The following NIPAL2 variants were observed in gnomAD, a reference collection of about 807,000 sequenced individuals.
The protein encoded by NIPAL2 is NIPA like domain containing 2.
A neutral mutation model predicts 48.9 loss-of-function variants in NIPAL2; 43 were observed. The observed-to-expected ratio is 0.88, with a 90% CI of 0.69 to 1.13. NIPAL2 has a LOEUF of 1.13. NIPAL2 is among the 50% of genes most tolerant of loss of function. NIPAL2 has a pLI of 0.00. For synonymous variants in NIPAL2, 167 were observed against 174.6 expected, an observed-to-expected ratio of 0.96 and a Z score of 0.34; for missense variants, 446 against 461.4, an observed-to-expected ratio of 0.97 and a Z score of 0.31.
At chr8:98,253,657 TAA>T (rs1179780811) in intron 2 of NIPAL2, among the ~76,000 whole-genome samples, 1 of 152,158 alleles carries the variant, frequency 6.6e-6, no homozygotes, top group African/African-American at 2.4e-5. Flanking sequence ...GAACTGCTTC[TAA>T]AAAGTGTCCG....
intron 4 of NIPAL2, among the ~76,000 whole-genome samples, chr8:98,223,275 C>A (rs926761680): frequency 6.6e-6 from 1 of 152,024 alleles, no homozygotes; most frequent in Non-Finnish European, 1.5e-5. Context: ...ACGTCATAAA[C>A]CTATGTAAGG....
chr8:98,260,608 C>G (rs918272999), intron 1 of NIPAL2, among the ~76,000 whole-genome samples: 1 of 152,154 alleles, frequency 6.6e-6, no homozygotes, highest in Non-Finnish European at 1.5e-5. Context: ...TTATATCCTG[C>G]ACCTGGCTCG....
At chr8:98,195,560 T>C (rs754348385) in intron 9 of NIPAL2, 1 of 163,944 alleles carries the variant, frequency 6.1e-6, no homozygotes, top group Non-Finnish European at 1.3e-5. Context: ...CTGCCCATCT[T>C]GGCCTTTTAT....
In NIPAL2 at chr8:98,190,950, C is replaced by T. The variant is rs979640642; in HGVS notation, c.*2028G>A. The T allele has an allele frequency of 6.6e-6, 1 of 152,206 alleles. No individual in the cohort carries two copies. The highest frequency in any genetic ancestry group is 2.4e-5 in the African/African-American group (1 of 41,458). 9.4% of individuals were successfully genotyped at this position (152,206 alleles called of 1,614,324 possible). ...TTACAGGCCAGTACAACTAAAACTC[C>T]TATTTACCTTACTTTGGAGCAACAA... is the stretch of plus-strand genomic sequence containing the variant. On this transcript the variant is annotated 3_prime_UTR_variant, in exon 11 of 11. Transcript: ENST00000430223.
intron 3 of NIPAL2, among the ~76,000 whole-genome samples, chr8:98,242,418 C>T (rs1001136750): frequency 6.6e-6 from 1 of 151,272 alleles, no homozygotes; most frequent in African/African-American, 2.4e-5. Flanking sequence ...AACGTCTGGG[C>T]TCAATTGATT....
chr8:98,273,614 A>G (rs1317256759), intron 1 of NIPAL2, among the ~76,000 whole-genome samples: 3 of 152,274 alleles, frequency 2.0e-5, no homozygotes, highest in South Asian at 4.2e-4. Flanking sequence ...AAGATACTAC[A>G]AATGTAGCTA....
At chr8:98,270,062 T>C (rs760961797) in intron 1 of NIPAL2, among the ~76,000 whole-genome samples, 1 of 152,140 alleles carries the variant, frequency 6.6e-6, no homozygotes, top group Non-Finnish European at 1.5e-5. Flanking sequence ...GTATGCACCA[T>C]ATTTTCTTTA....
intron 1 of NIPAL2, among the ~76,000 whole-genome samples, chr8:98,260,110 G>A (rs1039260304): frequency 2.0e-5 from 3 of 152,076 alleles, no homozygotes; most frequent in Non-Finnish European, 2.9e-5. Flanking sequence ...TTTTGCTGAG[G>A]GTTACCATGG....
intron 8 of NIPAL2, among the ~76,000 whole-genome samples, chr8:98,198,797 T>G (rs1810674601): frequency 6.6e-6 from 1 of 152,162 alleles, no homozygotes; most frequent in Non-Finnish European, 1.5e-5. Flanking sequence ...CTGGTTTAGG[T>G]GTTGGCTTAA....
chr8:98,223,573 A>C (rs993195820), intron 4 of NIPAL2, among the ~76,000 whole-genome samples: 2 of 152,194 alleles, frequency 1.3e-5, no homozygotes, highest in African/African-American at 4.8e-5. Flanking sequence ...AACCTGAAAC[A>C]ATTTGGTTTG....
At chr8:98,271,048 G>A (rs147544756) in intron 1 of NIPAL2, among the ~76,000 whole-genome samples, 1 of 151,944 alleles carries the variant, frequency 6.6e-6, no homozygotes, top group African/African-American at 2.4e-5. Context: ...ATGTTCCATT[G>A]GTCTATATGT....
At chr8:98,228,237 C>T (rs558535630) in intron 4 of NIPAL2, among the ~76,000 whole-genome samples, 82 of 152,272 alleles carry the variant, frequency 5.4e-4, no homozygotes, top group African/African-American at 1.8e-3. Context: ...GTGCTTTTTT[C>T]GTGTGTAGAT....
At chr8:98,222,680 C>A (rs1230840260) in intron 4 of NIPAL2, 80 bp from the exon 5 acceptor site, 1 of 1,409,122 alleles carries the variant, frequency 7.1e-7, no homozygotes, top group Non-Finnish European at 9.8e-7. Context: ...CTAGAGACTG[C>A]GCATTACTTG....
At chr8:98,256,768 A>G (rs1055081897) in intron 1 of NIPAL2, among the ~76,000 whole-genome samples, 1 of 152,206 alleles carries the variant, frequency 6.6e-6, no homozygotes, top group African/African-American at 2.4e-5. Flanking sequence ...ACACAGGATT[A>G]CCATATGGTC....
At chr8:98,239,977 T>C (rs1177331278) in intron 3 of NIPAL2, among the ~76,000 whole-genome samples, 2 of 152,238 alleles carry the variant, frequency 1.3e-5, no homozygotes, top group Admixed American at 6.5e-5. Context: ...TAGTAGTTGC[T>C]ATCACAATAA....
intron 1 of NIPAL2, among the ~76,000 whole-genome samples, chr8:98,289,514 CT>C (rs57283132): frequency 0.19 from 27,690 of 145,704 alleles, 3,042 homozygotes; most frequent in African/African-American, 0.33. Flanking sequence ...CTTCTTCTTG[CT>C]TTTTTTTTTT....
intron 1 of NIPAL2, among the ~76,000 whole-genome samples, chr8:98,277,757 T>C (rs1399768071): frequency 6.6e-6 from 1 of 152,200 alleles, no homozygotes; most frequent in Non-Finnish European, 1.5e-5. Flanking sequence ...TTTTCAAGAC[T>C]CATCACATTG....
chr8:98,288,714 C>G (rs1269036663), intron 1 of NIPAL2, among the ~76,000 whole-genome samples: 1 of 151,974 alleles, frequency 6.6e-6, no homozygotes, highest in Non-Finnish European at 1.5e-5. Flanking sequence ...TGTTTCCTGA[C>G]TTTTTAATGA....
chr8:98,194,756 C>A lies in NIPAL2; in HGVS notation c.1011G>T (p.Gln337His). 1 of 1,571,846 alleles carries A rather than the reference C, an allele frequency of 6.4e-7. No homozygotes were observed. The part of the protein sequence containing the change: ...TRNREKEHLQ[Q>H]SYIDFGNIPG... ...GAATATTTCCAAAATCAATATAAGA[C>A]TGTTGCAGATGTTCCTTTTCTCGAT... Residue 337 changes from glutamine (Q) to histidine (H), a missense_variant, in exon 10 of 11, where the codon CAG becomes CAT. By Grantham distance (24) the Gln-to-His change is conservative. Coordinates refer to ENST00000430223, the MANE Select transcript of NIPAL2 (RefSeq NM_001321635.2).
Sources: allele counts gnomAD v4.1 joint callset (sites outside exome capture counted in the v4.1 genomes callset), GRCh38; gene constraint gnomAD v4.1.1; transcripts MANE v1.5; gene names NCBI Gene and HGNC (gene_info 2026-07-23, HGNC 2026-07-21).